TRPM7: variants seen among roughly 807,000 people sequenced by gnomAD.
TRPM7 encodes transient receptor potential cation channel subfamily M member 7, also known as LTRPC ion channel family member 7.
In TRPM7, 134 loss-of-function variants were observed where a neutral mutation model predicts 229.7. The ratio of observed to expected loss-of-function variants is 0.58; its 90% CI spans 0.51 to 0.67. The LOEUF is 0.67. Among genes scored for constraint, TRPM7 ranks in the 30% least tolerant of loss-of-function variants. TRPM7 has a pLI of 0.00. For missense variants in TRPM7, 1,901 were observed against 2,210.0 expected (o/e 0.86, Z 2.80); for synonymous variants, 699 against 715.2 (o/e 0.98, Z 0.36).
rs2054033989 is a variant in TRPM7, at chr15:50,574,299, C to T, written c.5283G>A (p.Gly1761=). 6.2e-7 allele frequency: 1 copy of T among 1,613,844 alleles called. No individual in the cohort carries two copies. Among genetic ancestry groups the T allele is most frequent in the African/African-American group, 1.3e-5 (1 of 75,004 alleles). ...FSHWTYEYTR[G]ELLVLDLQGV... The stretch of plus-strand genomic sequence containing the variant: ...CTTGCAAATCAAGTACCAGTAACTC[C>T]CCTCTTGTATATTCGTAAGTCCAGT... Residue 1761 remains glycine (G), a synonymous_variant, in exon 36 of 39, where the codon GGG becomes GGA. Coordinates refer to ENST00000646667, the MANE Select transcript of TRPM7 (RefSeq NM_017672.6).
At chr15:50,627,458 T>G (rs1268166503) in intron 11 of TRPM7, among the ~76,000 whole-genome samples, 1 of 151,938 alleles carries the variant, frequency 6.6e-6, no homozygotes, top group Admixed American at 6.6e-5. Context: ...AGCCTAGAGA[T>G]AGGAGCATGC....
chr15:50,626,966 C>A (rs1228483956), intron 11 of TRPM7, among the ~76,000 whole-genome samples: 1 of 152,084 alleles, frequency 6.6e-6, no homozygotes, highest in East Asian at 1.9e-4. Flanking sequence ...GAATTTGCCA[C>A]AATTAAGATC....
intron 13 of TRPM7, among the ~76,000 whole-genome samples, chr15:50,615,332 A>C (rs2060195183): frequency 6.6e-6 from 1 of 152,070 alleles, no homozygotes; most frequent in Non-Finnish European, 1.5e-5. Context: ...TTTAACCAAA[A>C]TTATACTGGT....
At chr15:50,589,846 G>GTTTT (rs950901344) in intron 26 of TRPM7, among the ~76,000 whole-genome samples, 190 bp from the exon 27 acceptor site, 2 of 90,508 alleles carry the variant, frequency 2.2e-5, no homozygotes, top group South Asian at 7.1e-4. Context: ...GAAGGTTACA[G>GTTTT]TTTTTTTTGT....
At position 50,626,489 on chromosome 15, in the gene TRPM7, G is replaced by C. The variant is rs912519667; in HGVS notation, c.1305+1660C>G. Among the ~76,000 whole-genome samples the C allele has an allele frequency of 3.9e-5, 6 of 152,244 alleles. No homozygotes were observed. The East Asian group carries it at 9.6e-4, about 24-fold the overall frequency. ...TCAATGCATATTGAACTCCTGGCAA[G>C]CAAGAAGAAAGAAGAAAAACAACTG... On this transcript the variant is annotated intron_variant, in intron 11 of 38. Transcript: ENST00000646667.
chr15:50,630,817 T>G (rs2060709190), intron 10 of TRPM7, among the ~76,000 whole-genome samples: 1 of 151,884 alleles, frequency 6.6e-6, no homozygotes, highest in Non-Finnish European at 1.5e-5. Flanking sequence ...GACTACAGAG[T>G]GCACACCACC....
At chr15:50,602,221 A>G (rs970012984) in intron 21 of TRPM7, among the ~76,000 whole-genome samples, 2 of 152,174 alleles carry the variant, frequency 1.3e-5, no homozygotes, top group Admixed American at 1.3e-4. Flanking sequence ...GGATGAGTTC[A>G]TGTTCTTTGC....
chr15:50,581,500 A>G (rs376090237), intron 29 of TRPM7, among the ~76,000 whole-genome samples: 1,567 of 70,762 alleles, frequency 0.022, 27 homozygotes, highest in African/African-American at 0.044. Context: ...CTCCATCTCG[A>G]AAAAAAAAAT....
chr15:50,677,738 C>CAAAAAA (rs10652951), intron 1 of TRPM7, among the ~76,000 whole-genome samples: 45 of 38,024 alleles, frequency 1.2e-3, no homozygotes, highest in African/African-American at 2.1e-3. Flanking sequence ...GACCCCGTAT[C>CAAAAAA]AAAAAAAAAA....
chr15:50,604,626 A>C (rs1318477873), intron 21 of TRPM7: 2 of 297,678 alleles, frequency 6.7e-6, no homozygotes, highest in Non-Finnish European at 1.2e-5. Context: ...AAAAGGAGTT[A>C]CCTACAGACA....
Position 50,592,298 on chromosome 15 carries a change from A to C in TRPM7, c.3937T>G (p.Phe1313Val). The change falls in exon 26 of 39, where the codon TTT becomes GTT. Residue 1313 changes from phenylalanine (F) to valine (V), a missense_variant. By Grantham distance (50) the Phe-to-Val change is conservative (BLOSUM62 -1). Transcript: ENST00000646667. ...TCTTTCATTAAAATATTACAATGAA[A>C]AGGATTATTACTTTCAAGATCACCT... The part of the protein sequence containing the change: ...PQGDLESNNP[F>V]HCNILMKDDK... 1.2e-6 allele frequency: 2 copies of C among 1,613,886 alleles called. No homozygotes were observed. Among genetic ancestry groups the C allele is most frequent in the Middle Eastern group, 1.6e-4 (1 of 6,062 alleles).
chr15:50,636,510 A>T (rs2140711666), intron 7 of TRPM7, among the ~76,000 whole-genome samples: 1 of 152,198 alleles, frequency 6.6e-6, no homozygotes, highest in East Asian at 1.9e-4. Context: ...CTTTTAGCAA[A>T]AGTTCTGACT....
At chr15:50,590,202 T>C (rs528729081) in intron 26 of TRPM7, among the ~76,000 whole-genome samples, 2 of 151,538 alleles carry the variant, frequency 1.3e-5, no homozygotes, top group South Asian at 2.1e-4. Flanking sequence ...AAAGTCCTTA[T>C]AAAACAAACC....
rs1252882828 is a variant in TRPM7 at position 50,604,886 on chromosome 15, C to T, written c.2968G>A (p.Val990Ile). Residue 990 changes from valine to isoleucine, a missense_variant, in exon 21 of 39, where the codon GTA becomes ATA. Around this residue, in one of 8 missense-constraint regions of TRPM7, gnomAD observed 89 missense variants for 178.2 expected, o/e 0.50. Transcript: ENST00000646667. ...CTTACCATTTTTCCAATCATCATTA[C>T]ATAAGGTCCTGCCTGTTGATTTACA... ...LAVNQQAGPY[V>I]MMIGKMVANM... The T allele has an allele frequency of 6.3e-7, 1 of 1,596,426 alleles. No individual in the cohort carries two copies. Among genetic ancestry groups the T allele is most frequent in the East Asian group, 2.2e-5 (1 of 44,596 alleles).
chr15:50,669,159 T>C (rs779085502), intron 1 of TRPM7, among the ~76,000 whole-genome samples: 101 of 152,262 alleles, frequency 6.6e-4, no homozygotes, highest in South Asian at 1.5e-3. Context: ...CAGTGGCTCA[T>C]GGCTGAGCGT....
At chr15:50,641,812 C>T (rs576012380) in intron 5 of TRPM7, among the ~76,000 whole-genome samples, 14 of 152,032 alleles carry the variant, frequency 9.2e-5, no homozygotes, top group Non-Finnish European at 1.9e-4. Context: ...CCAGCTTGAC[C>T]AACATAGTGA....
intron 1 of TRPM7, among the ~76,000 whole-genome samples, chr15:50,682,132 C>A (rs538601831): frequency 1.4e-5 from 2 of 138,892 alleles, no homozygotes; most frequent in Non-Finnish European, 3.0e-5. Flanking sequence ...GAGCCGACAT[C>A]GCGCCACCGC....
At chr15:50,666,231 G>C (rs146875904) in intron 1 of TRPM7, among the ~76,000 whole-genome samples, 4 of 151,966 alleles carry the variant, frequency 2.6e-5, no homozygotes, top group Non-Finnish European at 5.9e-5. Flanking sequence ...GAGTCCAGGA[G>C]TTTGAGACCA....
At chr15:50,624,904 T>C (rs917760225) in intron 11 of TRPM7, among the ~76,000 whole-genome samples, 39 of 152,208 alleles carry the variant, frequency 2.6e-4, no homozygotes, top group African/African-American at 9.2e-4. Context: ...TCAGGCAAGA[T>C]TGTACTTAGT....
Sources: allele counts gnomAD v4.1 joint callset (sites outside exome capture counted in the v4.1 genomes callset), GRCh38; gene constraint gnomAD v4.1.1; regional missense constraint gnomAD v4.1.1; transcripts MANE v1.5; gene names NCBI Gene and HGNC (gene_info 2026-07-23, HGNC 2026-07-21).